The following LINGO2 variants were observed in gnomAD, a reference collection of about 807,000 sequenced individuals.
LINGO2 encodes leucine-rich repeat and immunoglobulin-like domain-containing nogo receptor-interacting protein 2.
Under a neutral mutation model 30.6 loss-of-function variants are expected in LINGO2, and 14 were observed. The observed-to-expected ratio is 0.46, with a 90% confidence interval of 0.30 to 0.72. The LOEUF (loss-of-function observed/expected upper bound fraction) is 0.72, where lower values mean the gene tolerates loss of function less well. Among genes scored for constraint, LINGO2 ranks in the 30% least tolerant of loss-of-function variants. LINGO2 has a pLI of 0.07. For synonymous variants in LINGO2, 317 were observed against 288.5 expected (o/e 1.10, Z -1.00); for missense variants, 729 against 751.7 (o/e 0.97, Z 0.35).
chr9:28,004,127 T>C (rs952083219), intron 5 of LINGO2, among the ~76,000 whole-genome samples: 33 of 152,176 alleles, frequency 2.2e-4, no homozygotes, highest in Non-Finnish European at 2.9e-4. Flanking sequence ...CATCTTGAAT[T>C]GGCCCCTTAT....
At chr9:28,237,140 T>C (rs898005015) in intron 4 of LINGO2, among the ~76,000 whole-genome samples, 9 of 145,978 alleles carry the variant, frequency 6.2e-5, no homozygotes, top group Admixed American at 2.8e-4. Flanking sequence ...AAGTTAAATG[T>C]AGGATTTTTA....
the LINGO2 span, among the ~76,000 whole-genome samples, chr9:28,930,401 A>G: frequency 6.6e-6 from 1 of 152,146 alleles, no homozygotes; most frequent in Non-Finnish European, 1.5e-5. The surrounding 1 kb of genome is among the most constrained non-coding windows in gnomAD (Gnocchi z 4.2). Context: ...AGGGCTCAAA[A>G]TATTTATTGA....
At chr9:28,957,695 G>C in the LINGO2 span, among the ~76,000 whole-genome samples, 1 of 151,984 alleles carries the variant, frequency 6.6e-6, no homozygotes, top group Non-Finnish European at 1.5e-5. Flanking sequence ...TTGTTGTTTT[G>C]ATTGTTTATA....
chr9:28,946,605 CTAT>C, the LINGO2 span, among the ~76,000 whole-genome samples: 1 of 152,160 alleles, frequency 6.6e-6, no homozygotes, highest in South Asian at 2.1e-4. Flanking sequence ...AGGCTTTTTC[CTAT>C]TAAAAAGTGA....
the LINGO2 span, among the ~76,000 whole-genome samples, chr9:29,044,786 A>C: frequency 3.9e-5 from 6 of 152,082 alleles, no homozygotes; most frequent in African/African-American, 7.2e-5. Context: ...TGGACACTTG[A>C]AGCTGCAGAT....
chr9:28,108,608 C>G (rs1563979812), intron 4 of LINGO2, among the ~76,000 whole-genome samples: 1 of 152,026 alleles, frequency 6.6e-6, no homozygotes, highest in Non-Finnish European at 1.5e-5. Flanking sequence ...TTAGTACTTC[C>G]CTCTTTACTT....
intron 4 of LINGO2, among the ~76,000 whole-genome samples, chr9:28,237,987 T>C (rs1159851092): frequency 6.6e-6 from 1 of 152,182 alleles, no homozygotes; most frequent in Non-Finnish European, 1.5e-5. Context: ...GCTATACTTA[T>C]ATCAGACAAA....
chr9:28,702,584 T>C, the LINGO2 span, among the ~76,000 whole-genome samples: 1 of 152,028 alleles, frequency 6.6e-6, no homozygotes, highest in Non-Finnish European at 1.5e-5. Flanking sequence ...GAGACAATTA[T>C]GTCTACTTTG....
At chr9:28,054,844 G>A (rs547941913) in intron 4 of LINGO2, among the ~76,000 whole-genome samples, 2 of 151,968 alleles carry the variant, frequency 1.3e-5, no homozygotes, top group African/African-American at 2.4e-5. Context: ...TAAGCCTTAG[G>A]TTGTTATGCC....
the LINGO2 span, among the ~76,000 whole-genome samples, chr9:28,899,236 A>C: frequency 2.6e-5 from 4 of 152,192 alleles, no homozygotes; most frequent in African/African-American, 7.2e-5. Context: ...ATTCCAAACG[A>C]GGGAAGGACA....
the LINGO2 span, among the ~76,000 whole-genome samples, chr9:29,089,322 T>C: frequency 6.6e-6 from 1 of 151,836 alleles, no homozygotes; most frequent in Non-Finnish European, 1.5e-5. Context: ...CAATAATACA[T>C]CCTTTTGTCA....
chr9:28,162,583 C>A (rs76183547), intron 4 of LINGO2, among the ~76,000 whole-genome samples: 2,762 of 152,244 alleles, frequency 0.018, 40 homozygotes, highest in Non-Finnish European at 0.024. Context: ...AATAGCTATT[C>A]TACTACATTG....
intron 1 of LINGO2, among the ~76,000 whole-genome samples, chr9:28,494,997 T>C (rs915427927): frequency 2.0e-5 from 3 of 152,256 alleles, no homozygotes; most frequent in Non-Finnish European, 4.4e-5. Flanking sequence ...CATGTGTCTG[T>C]TGGCTGCATA....
At chr9:28,757,622 C>A in the LINGO2 span, among the ~76,000 whole-genome samples, 1 of 151,956 alleles carries the variant, frequency 6.6e-6, no homozygotes, top group Admixed American at 6.6e-5. Context: ...TTTTTCTCCA[C>A]GAACAACTGA....
intron 5 of LINGO2, among the ~76,000 whole-genome samples, chr9:27,987,088 G>T (rs999024830): frequency 1.6e-5 from 2 of 128,224 alleles, no homozygotes; most frequent in African/African-American, 5.9e-5. Context: ...CTACATGTCA[G>T]TCAACTACTC....
intron 1 of LINGO2, among the ~76,000 whole-genome samples, chr9:28,667,860 T>A (rs899856564): frequency 4.6e-5 from 7 of 152,216 alleles, no homozygotes; most frequent in Non-Finnish European, 1.0e-4. Context: ...TGGACTGAGC[T>A]AACAGTTTTG....
chr9:29,069,790 G>C, the LINGO2 span, among the ~76,000 whole-genome samples: 1 of 152,032 alleles, frequency 6.6e-6, no homozygotes, highest in Non-Finnish European at 1.5e-5. Flanking sequence ...GTTTGTAATA[G>C]ATTCTCTCCA....
At chr9:27,949,019 T>G in exon 6 of LINGO2, 1 of 1,614,048 alleles carries the variant, frequency 6.2e-7, no homozygotes, top group Non-Finnish European at 8.5e-7. Context: ...CTCCCAGGAA[T>G]GTGAAGCAGC....
chr9:28,308,642 G>A (rs1824472922), intron 3 of LINGO2, among the ~76,000 whole-genome samples: 1 of 147,666 alleles, frequency 6.8e-6, no homozygotes, highest in African/African-American at 2.5e-5. Flanking sequence ...GAGTGAACAG[G>A]CAACCTACAA....
Sources: gnomAD v4.1 joint callset for allele counts (sites outside exome capture counted in the v4.1 genomes callset) on GRCh38, gnomAD v4.1.1 for gene constraint, Gnocchi (gnomAD v3.1) non-coding constraint, MANE v1.5 for transcripts, NCBI Gene and HGNC (gene_info 2026-07-23, HGNC 2026-07-21) for gene names.